MCHR2: variants seen among roughly 807,000 people sequenced by gnomAD.
MCHR2 encodes the protein melanin-concentrating hormone receptor 2.
A neutral mutation model predicts 24.8 loss-of-function variants in MCHR2; 15 were observed. That is an observed-to-expected ratio of 0.60 (90% CI 0.40 to 0.93). The LOEUF is 0.93. MCHR2 is among the 40% of genes least tolerant of loss of function. The probability of loss-of-function intolerance (pLI) is 0.00; values close to 1 mark genes in which losing one functional copy is unlikely to be tolerated. For missense variants in MCHR2, 386 were observed against 408.7 expected (o/e 0.94, Z 0.48); for synonymous variants, 151 against 147.6 (o/e 1.02, Z -0.17).
chr6:99,947,745 C>T lies in MCHR2; in HGVS notation c.392+17G>A, dbSNP rs1268945600. 1 of 1,608,608 alleles carries T rather than the reference C, an allele frequency of 6.2e-7. No homozygotes were observed. The highest frequency in any genetic ancestry group is 1.3e-5 in the African/African-American group (1 of 74,684). On this transcript the variant is annotated intron_variant, in intron 3 of 5. Transcript: ENST00000281806. The stretch of plus-strand genomic sequence containing the variant: ...ACCTCTGAATTATATTAAGATATTT[C>T]AAAGTCTTTCACTTACCTGTCCACA...
At chr6:99,973,616 G>C (rs965248579) in intron 1 of MCHR2, among the ~76,000 whole-genome samples, 2 of 152,152 alleles carry the variant, frequency 1.3e-5, no homozygotes, top group African/African-American at 4.8e-5. Flanking sequence ...ATGTTAGCTG[G>C]TTATTTTGCT....
intron 2 of MCHR2, among the ~76,000 whole-genome samples, chr6:99,948,587 A>G (rs555047186): frequency 1.3e-5 from 2 of 152,242 alleles, no homozygotes; most frequent in South Asian, 4.1e-4. Context: ...CAACCAGCTA[A>G]GCTGCTCCTG....
intron 4 of MCHR2, among the ~76,000 whole-genome samples, chr6:99,936,064 G>A (rs1774654338): frequency 6.6e-6 from 1 of 151,630 alleles, no homozygotes; most frequent in Non-Finnish European, 1.5e-5. Context: ...TTTTGCTATT[G>A]AGTTGTTTGA....
intron 4 of MCHR2, among the ~76,000 whole-genome samples, chr6:99,942,128 TG>T (rs1047154175): frequency 5.3e-5 from 8 of 152,206 alleles, no homozygotes; most frequent in African/African-American, 1.9e-4. Context: ...AAAACGGCTA[TG>T]GTAGTTGCAT....
At chr6:99,931,313 C>G (rs898242029) in intron 5 of MCHR2, among the ~76,000 whole-genome samples, 3 of 152,222 alleles carry the variant, frequency 2.0e-5, no homozygotes, top group African/African-American at 7.2e-5. Context: ...AGGAGCCAGT[C>G]TGCCCATTCT....
chr6:99,943,923 A>G (rs1774827200), intron 3 of MCHR2, among the ~76,000 whole-genome samples: 1 of 152,190 alleles, frequency 6.6e-6, no homozygotes, highest in Non-Finnish European at 1.5e-5. Context: ...AGAGGCAGGA[A>G]GGAAGAAAAT....
At chr6:99,942,913 A>C in intron 4 of MCHR2, 36 bp downstream of exon 4, 2 of 1,544,396 alleles carry the variant, frequency 1.3e-6, no homozygotes, top group Non-Finnish European at 1.8e-6. Flanking sequence ...TTCACAACTT[A>C]ATTCAACTCG....
At chr6:99,993,656 T>G (rs1330963955) in intron 1 of MCHR2, among the ~76,000 whole-genome samples, 2 of 152,044 alleles carry the variant, frequency 1.3e-5, no homozygotes, top group Non-Finnish European at 2.9e-5. Context: ...CACTCCCTTT[T>G]TCTTTTCCCA....
intron 2 of MCHR2, among the ~76,000 whole-genome samples, chr6:99,951,009 C>A (rs1392616062): frequency 1.3e-5 from 2 of 152,086 alleles, no homozygotes; most frequent in East Asian, 3.9e-4. Context: ...GAGGAGAAGC[C>A]AGAATGTAGC....
intron 1 of MCHR2, among the ~76,000 whole-genome samples, chr6:99,983,199 G>C (rs1187002337): frequency 1.3e-5 from 2 of 151,942 alleles, no homozygotes; most frequent in Non-Finnish European, 2.9e-5. Context: ...TCAAACTCCT[G>C]GGCTCAAGTG....
chr6:99,989,751 G>C (rs569600110), intron 1 of MCHR2, among the ~76,000 whole-genome samples: 90 of 152,156 alleles, frequency 5.9e-4, no homozygotes, highest in African/African-American at 2.0e-3. Context: ...GAGGCTCTCT[G>C]TAAACAACAA....
chr6:99,960,495 T>C (rs1377046247), intron 1 of MCHR2, among the ~76,000 whole-genome samples: 5 of 152,124 alleles, frequency 3.3e-5, no homozygotes, highest in African/African-American at 1.2e-4. Flanking sequence ...AAAGTTCATA[T>C]GGAACCAAAA....
intron 5 of MCHR2, among the ~76,000 whole-genome samples, chr6:99,927,363 T>G (rs1205323820): frequency 6.6e-6 from 1 of 152,222 alleles, no homozygotes; most frequent in Non-Finnish European, 1.5e-5. Flanking sequence ...TTTTTTCCAA[T>G]TCTGTGAAGA....
chr6:99,976,936 A>G lies in MCHR2; in HGVS notation c.-28+17000T>C, dbSNP rs139633115. Among the ~76,000 whole-genome samples, 827 of 152,304 alleles carry G rather than the reference A, an allele frequency of 5.4e-3. 8 individuals are homozygous for G. The highest frequency in any genetic ancestry group is 0.015 in the South Asian group (72 of 4,828). Reference sequence around the variant, plus strand: ...AGATATTTTTGTCAGCAACTCATACATTCCATAGCATCAAAAGCAACCTTA... The same window carrying G: ...AGATATTTTTGTCAGCAACTCATACGTTCCATAGCATCAAAAGCAACCTTA... On this transcript the variant is annotated intron_variant, in intron 1 of 5. Transcript: ENST00000281806.
chr6:99,953,612 A>G (rs1775006469), intron 2 of MCHR2, among the ~76,000 whole-genome samples: 1 of 150,820 alleles, frequency 6.6e-6, no homozygotes, highest in African/African-American at 2.4e-5. Flanking sequence ...TCTTTCTTGT[A>G]TTATTTTTCA....
At chr6:99,925,991 C>A (rs1186627363) in intron 5 of MCHR2, among the ~76,000 whole-genome samples, 4 of 151,940 alleles carry the variant, frequency 2.6e-5, no homozygotes, top group Admixed American at 2.6e-4. Context: ...CCCCTGCCCC[C>A]ACCCCACAAC....
Position 99,961,421 on chromosome 6 carries a change from G to T in MCHR2, c.-27-5247C>A, listed in dbSNP as rs527575645. Among the ~76,000 whole-genome samples the T allele has an allele frequency of 2.6e-5, 4 of 152,138 alleles. No homozygotes were observed. In the South Asian group the frequency reaches 8.3e-4, roughly 32 times the overall value. The stretch of plus-strand genomic sequence containing the variant: ...ACACATGCACATGTATGTTTACTGA[G>T]GCACTGTTCACGGTAGCAAAGACTT... On this transcript the variant is annotated intron_variant, in intron 1 of 5. Transcript: ENST00000281806.
chr6:99,983,633 T>C (rs1023449237), intron 1 of MCHR2, among the ~76,000 whole-genome samples: 1 of 152,324 alleles, frequency 6.6e-6, no homozygotes, highest in Admixed American at 6.5e-5. Context: ...TTTGTCCTTA[T>C]TTTAGTTGGT....
At chr6:99,955,772 G>C (rs1363582954) in intron 2 of MCHR2, among the ~76,000 whole-genome samples, 194 bp downstream of exon 2, 2 of 152,050 alleles carry the variant, frequency 1.3e-5, no homozygotes, top group African/African-American at 4.8e-5. Flanking sequence ...AGCATGTTGA[G>C]ATTTGCAACT....
Sources: allele counts gnomAD v4.1 joint callset (sites outside exome capture counted in the v4.1 genomes callset), GRCh38; gene constraint gnomAD v4.1.1; transcripts MANE v1.5; gene names NCBI Gene and HGNC (gene_info 2026-07-23, HGNC 2026-07-21).